SHROOM3: variants seen among roughly 807,000 people sequenced by gnomAD.
The protein encoded by SHROOM3 is shroom family member 3, also known as protein Shroom3.
Under a neutral mutation model 138.6 loss-of-function variants are expected in SHROOM3, and 47 were observed. The ratio of observed to expected loss-of-function variants is 0.34; its 90% CI spans 0.27 to 0.43. The LOEUF (loss-of-function observed/expected upper bound fraction) is 0.43, where lower values mean the gene tolerates loss of function less well. SHROOM3 is among the 20% of genes least tolerant of loss of function. The probability of loss-of-function intolerance (pLI) is 1.00; values close to 1 mark genes in which losing one functional copy is unlikely to be tolerated. For missense variants in SHROOM3, 2,491 were observed against 2,596.5 expected, an observed-to-expected ratio of 0.96 and a Z score of 0.88; for synonymous variants, 1,062 against 1,063.3, an observed-to-expected ratio of 1.00 and a Z score of 0.02.
chr4:76,708,521 A>G (rs370278273), intron 2 of SHROOM3, among the ~76,000 whole-genome samples: 7 of 152,318 alleles, frequency 4.6e-5, no homozygotes, highest in African/African-American at 7.2e-5. Flanking sequence ...TAGGGTCTAA[A>G]GGGGTCCTGA....
rs765592446 is a variant in SHROOM3 at position 76,436,126 on chromosome 4, A to G, written c.74A>G (p.Tyr25Cys). Reference protein sequence around the residue: ...LNSNTATKGRYIYLEAFLEGG... With the variant: ...LNSNTATKGRCIYLEAFLEGG... Reference sequence around the variant, plus strand: ...TCTAACACGGCCACCAAGGGAAGGTACATTTATCTGGAGGCATTCCTGGAG... The same window carrying G: ...TCTAACACGGCCACCAAGGGAAGGTGCATTTATCTGGAGGCATTCCTGGAG... The change falls in exon 1 of 11, where the codon TAC becomes TGC. Residue 25 changes from tyrosine to cysteine, a missense_variant. This residue lies in a region of SHROOM3 where 284 missense variants were observed against 322.8 expected (regional missense o/e 0.88). Transcript: ENST00000296043. 3.7e-6 allele frequency: 6 copies of G among 1,613,946 alleles called. No individual in the cohort carries two copies. Among genetic ancestry groups the G allele is most frequent in the Middle Eastern group, 1.6e-4 (1 of 6,084 alleles).
At chr4:76,693,117 G>A (rs1267077056) in intron 2 of SHROOM3, among the ~76,000 whole-genome samples, 1 of 152,174 alleles carries the variant, frequency 6.6e-6, no homozygotes, top group Non-Finnish European at 1.5e-5. Context: ...CAAGACATTG[G>A]ACAATAATAG....
intron 1 of SHROOM3, among the ~76,000 whole-genome samples, chr4:76,542,034 A>C (rs1272188763): frequency 8.0e-5 from 4 of 50,088 alleles, no homozygotes; most frequent in Non-Finnish European, 1.7e-4. Flanking sequence ...CCCTACAAAC[A>C]ATTGTGATGA....
intron 1 of SHROOM3, among the ~76,000 whole-genome samples, chr4:76,535,580 T>C (rs894636126): frequency 3.3e-5 from 5 of 152,210 alleles, no homozygotes; most frequent in African/African-American, 1.2e-4. Context: ...AAATTTCCAC[T>C]GTAGGAAGTA....
At position 76,736,670 on chromosome 4, in the gene SHROOM3, C is replaced by T. The variant is rs974504528; in HGVS notation, c.588-2091C>T. 2.6e-5 allele frequency among the ~76,000 whole-genome samples: 4 copies of T among 152,134 alleles called. 1 individual carries two copies. The highest frequency in any genetic ancestry group is 9.7e-5 in the African/African-American group (4 of 41,430). ...TTGGGCAAGAACTTCTAGTGATTTA[C>T]CCTTCTTTAGAGAACAGTGAGTCAC... On this transcript the variant is annotated intron_variant, in intron 4 of 10. Transcript: ENST00000296043.
intron 1 of SHROOM3, among the ~76,000 whole-genome samples, chr4:76,438,956 A>T (rs1442163256): frequency 1.3e-5 from 2 of 152,226 alleles, no homozygotes; most frequent in Non-Finnish European, 2.9e-5. Flanking sequence ...GCAGACCTCC[A>T]TGTGGGGCAT....
At chr4:76,686,474 A>T (rs541562737) in intron 2 of SHROOM3, among the ~76,000 whole-genome samples, 2 of 152,342 alleles carry the variant, frequency 1.3e-5, no homozygotes, top group East Asian at 3.9e-4. Flanking sequence ...TAAATGTATT[A>T]GACTTACATT....
intron 2 of SHROOM3, among the ~76,000 whole-genome samples, chr4:76,676,297 T>A (rs1335763338): frequency 6.6e-6 from 1 of 152,176 alleles, no homozygotes; most frequent in African/African-American, 2.4e-5. Flanking sequence ...ATGGTGGGCA[T>A]GTGTCTAGTG....
chr4:76,558,881 C>T (rs1733541934), intron 2 of SHROOM3, among the ~76,000 whole-genome samples: 1 of 152,186 alleles, frequency 6.6e-6, no homozygotes, highest in Non-Finnish European at 1.5e-5. Flanking sequence ...GCCAGATGGT[C>T]CATCTTCCTA....
intron 7 of SHROOM3, 32 bp from the exon 8 acceptor site, chr4:76,756,417 C>CTCT (rs549998629): frequency 1.5e-5 from 19 of 1,267,464 alleles, no homozygotes; most frequent in African/African-American, 1.3e-4. Context: ...CTCTCTCTCT[C>CTCT]TTTTTTTTTT....
intron 2 of SHROOM3, among the ~76,000 whole-genome samples, chr4:76,662,608 C>T (rs1365710042): frequency 6.6e-6 from 1 of 152,200 alleles, no homozygotes; most frequent in Admixed American, 6.5e-5. Flanking sequence ...GGACAGGAAT[C>T]TTGGGACATC....
At position 76,669,056 on chromosome 4, in the gene SHROOM3, A is replaced by C. The variant is rs1200641586; in HGVS notation, c.324-41100A>C. ...TCACATGGAGACGGGATAGGGAAAA[A>C]TACTGATTGTGTGAAAATGCCCCCT... On this transcript the variant is annotated intron_variant, in intron 2 of 10. Coordinates refer to ENST00000296043, the MANE Select transcript of SHROOM3 (RefSeq NM_020859.4). 2.0e-5 allele frequency among the ~76,000 whole-genome samples: 3 copies of C among 152,206 alleles called. No individual in the cohort carries two copies. The East Asian group carries it at 5.8e-4, about 29-fold the overall frequency.
intron 2 of SHROOM3, among the ~76,000 whole-genome samples, chr4:76,677,789 G>C (rs1719082360): frequency 1.3e-5 from 2 of 152,186 alleles, no homozygotes; most frequent in Admixed American, 1.3e-4. Flanking sequence ...TTCTAGGCAA[G>C]AGCGCTAAAG....
At chr4:76,707,164 T>C (rs1358411322) in intron 2 of SHROOM3, among the ~76,000 whole-genome samples, 1 of 152,212 alleles carries the variant, frequency 6.6e-6, no homozygotes, top group Non-Finnish European at 1.5e-5. Flanking sequence ...TATGTTTAGT[T>C]AATGGCTCTA....
At chr4:76,574,676 T>G (rs1010731459) in intron 2 of SHROOM3, among the ~76,000 whole-genome samples, 1 of 152,120 alleles carries the variant, frequency 6.6e-6, no homozygotes, top group Non-Finnish European at 1.5e-5. Flanking sequence ...TGCTACAACA[T>G]GGATGAACCC....
At chr4:76,778,139 C>T (rs1490027285) in intron 10 of SHROOM3, among the ~76,000 whole-genome samples, 1 of 151,234 alleles carries the variant, frequency 6.6e-6, no homozygotes, top group African/African-American at 2.4e-5. Flanking sequence ...CTAACAATTT[C>T]CCAGGTGATG....
In SHROOM3 at chr4:76,739,458, G is replaced by C. The variant is rs777555163; in HGVS notation, c.1285G>C (p.Glu429Gln). 6.2e-7 allele frequency: 1 copy of C among 1,614,198 alleles called. No homozygotes were observed. The highest frequency in any genetic ancestry group is 8.5e-7 in the Non-Finnish European group (1 of 1,180,044). ...SLGSLKSPFI[E>Q]EQLHTVLEKS... is the part of the protein sequence containing the mutation. ...AGGCTCCCTGAAGTCTCCATTCATA[G>C]AGGAGCAGCTGCATACTGTGCTGGA... The change falls in exon 5 of 11, where the codon GAG becomes CAG. Residue 429 changes from glutamate (E) to glutamine (Q), a missense_variant. Transcript: ENST00000296043.
chr4:76,544,413 T>TTTTC (rs1733168305), intron 1 of SHROOM3, among the ~76,000 whole-genome samples: 1 of 125,770 alleles, frequency 8.0e-6, no homozygotes, highest in Non-Finnish European at 1.6e-5. Flanking sequence ...ATGGCTTTTT[T>TTTTC]TTTTTTTTTT....
intron 2 of SHROOM3, chr4:76,573,427 A>ATT (rs1733873719): frequency 8.5e-6 from 1 of 117,944 alleles, no homozygotes; most frequent in Non-Finnish European, 1.8e-5. Flanking sequence ...TAATAATAAT[A>ATT]ATTTTTATTC....
Sources: allele counts gnomAD v4.1 joint callset (sites outside exome capture counted in the v4.1 genomes callset), GRCh38; gene constraint gnomAD v4.1.1; regional missense constraint gnomAD v4.1.1; transcripts MANE v1.5; gene names NCBI Gene and HGNC (gene_info 2026-07-23, HGNC 2026-07-21).